The following SLC25A21 variants were observed in gnomAD, a reference collection of about 807,000 sequenced individuals.
The protein encoded by SLC25A21 is solute carrier family 25 member 21, also known as mitochondrial 2-oxodicarboxylate carrier.
SLC25A21 carries 47 observed loss-of-function variants against 43.8 expected under a neutral mutation model. The ratio of observed to expected loss-of-function variants is 1.07; its 90% CI spans 0.85 to 1.37. SLC25A21 has a LOEUF of 1.37. Ranked by LOEUF, SLC25A21 falls within the 40% of genes most tolerant of loss-of-function variation. The pLI, the probability that SLC25A21 is intolerant of heterozygous loss-of-function variation, is 0.00. For synonymous variants in SLC25A21, 131 were observed against 121.3 expected (o/e 1.08, Z -0.52); for missense variants, 352 against 350.2 (o/e 1.00, Z -0.04).
chr14:36,983,836 G>T (rs916236908), intron 1 of SLC25A21, among the ~76,000 whole-genome samples: 7 of 152,110 alleles, frequency 4.6e-5, no homozygotes, highest in Non-Finnish European at 8.8e-5. Context: ...CATATCCTTT[G>T]CAGTAACATG....
intron 1 of SLC25A21, among the ~76,000 whole-genome samples, chr14:37,138,897 T>C (rs1963526668): frequency 6.6e-6 from 1 of 152,172 alleles, no homozygotes; most frequent in Admixed American, 6.5e-5. Context: ...TGGTTCAGTA[T>C]AAATGATATG....
intron 1 of SLC25A21, among the ~76,000 whole-genome samples, chr14:37,008,454 G>T (rs1429011646): frequency 6.6e-6 from 1 of 152,166 alleles, no homozygotes; most frequent in Non-Finnish European, 1.5e-5. Flanking sequence ...CATTGCAATA[G>T]AGGATGTGAA....
intron 1 of SLC25A21, among the ~76,000 whole-genome samples, chr14:36,898,353 CT>C (rs892142127): frequency 4.2e-4 from 63 of 151,470 alleles, no homozygotes; most frequent in African/African-American, 1.3e-3. Flanking sequence ...ATATAATCTC[CT>C]GGTGTGCCAT....
At chr14:36,744,675 CT>C (rs1885418998) in intron 3 of SLC25A21, among the ~76,000 whole-genome samples, 1 of 152,242 alleles carries the variant, frequency 6.6e-6, no homozygotes, top group East Asian at 1.9e-4. Context: ...AACTAAAAAT[CT>C]TTTGCACAGC....
intron 1 of SLC25A21, among the ~76,000 whole-genome samples, chr14:37,089,664 C>A (rs1962548388): frequency 6.6e-6 from 1 of 152,140 alleles, no homozygotes; most frequent in Non-Finnish European, 1.5e-5. Context: ...GATCTTTTGT[C>A]ACAAGGCAAA....
chr14:36,980,909 C>A (rs887793465), intron 1 of SLC25A21, among the ~76,000 whole-genome samples: 7 of 152,148 alleles, frequency 4.6e-5, no homozygotes, highest in African/African-American at 1.2e-4. Context: ...AGGCAACCTA[C>A]AGAATGGGAG....
At chr14:36,722,621 C>T (rs1415442365) in intron 6 of SLC25A21, among the ~76,000 whole-genome samples, 1 of 152,074 alleles carries the variant, frequency 6.6e-6, no homozygotes, top group African/African-American at 2.4e-5. Context: ...AATGAATATA[C>T]TGGGTTAAAT....
chr14:36,829,357 T>C (rs1005820917), intron 2 of SLC25A21, among the ~76,000 whole-genome samples: 2 of 152,176 alleles, frequency 1.3e-5, no homozygotes, highest in Non-Finnish European at 2.9e-5. Flanking sequence ...TATTTATTCA[T>C]CTGGTTCCTT....
chr14:36,683,359 G>A (rs1405411187), intron 9 of SLC25A21, among the ~76,000 whole-genome samples: 1 of 152,194 alleles, frequency 6.6e-6, no homozygotes, highest in Non-Finnish European at 1.5e-5. Flanking sequence ...CTCCCCAGAG[G>A]TGACTGTAAA....
At chr14:36,939,918 T>A (rs934882950) in intron 1 of SLC25A21, among the ~76,000 whole-genome samples, 6 of 152,164 alleles carry the variant, frequency 3.9e-5, no homozygotes, top group African/African-American at 1.4e-4. Context: ...TTGTTTCACA[T>A]ATCTGTTTTA....
intron 4 of SLC25A21, among the ~76,000 whole-genome samples, chr14:36,732,282 C>A (rs1241177099): frequency 6.6e-6 from 1 of 151,768 alleles, no homozygotes; most frequent in Non-Finnish European, 1.5e-5. Flanking sequence ...ACTAATTAGC[C>A]TTCATAGTTT....
intron 1 of SLC25A21, among the ~76,000 whole-genome samples, chr14:37,064,708 T>A (rs1962024589): frequency 1.3e-5 from 2 of 152,182 alleles, no homozygotes; most frequent in Non-Finnish European, 2.9e-5. Context: ...CTCATTTGTG[T>A]CTCTCAATTG....
At chr14:36,771,134 C>A (rs1330715518) in intron 3 of SLC25A21, among the ~76,000 whole-genome samples, 3 of 152,190 alleles carry the variant, frequency 2.0e-5, no homozygotes, top group South Asian at 2.1e-4. Context: ...CTTTTGTTAT[C>A]TGACAGCCCA....
rs187659069 is a variant in SLC25A21, at chr14:37,137,125, G to A, written c.70+35156C>T. On this transcript the variant is annotated intron_variant, in intron 1 of 9. Transcript: ENST00000331299. ...ACGCCACTCTGCCTCAGCCTCCTGA[G>A]TAGCTGGGACTACAGGCGCCCGCCA... is the stretch of plus-strand genomic sequence containing the variant. 5.7e-3 allele frequency among the ~76,000 whole-genome samples: 865 copies of A among 152,270 alleles called. 10 individuals carry two copies. The highest frequency in any genetic ancestry group is 0.02 in the African/African-American group (840 of 41,550).
chr14:36,856,266 C>T (rs1477134341), intron 2 of SLC25A21, among the ~76,000 whole-genome samples: 1 of 152,132 alleles, frequency 6.6e-6, no homozygotes, highest in East Asian at 1.9e-4. Flanking sequence ...GCTTTATGAC[C>T]CTAACCAGGA....
intron 5 of SLC25A21, among the ~76,000 whole-genome samples, chr14:36,727,364 G>A (rs775128724): frequency 1.4e-4 from 22 of 152,210 alleles, no homozygotes; most frequent in Non-Finnish European, 2.2e-4. Flanking sequence ...AGAGTGCTAT[G>A]CAAACACCAT....
chr14:36,868,655 G>C (rs927186074), intron 2 of SLC25A21, among the ~76,000 whole-genome samples: 1 of 152,184 alleles, frequency 6.6e-6, no homozygotes, highest in African/African-American at 2.4e-5. Flanking sequence ...AACTGAAAAT[G>C]CATGTTTCTC....
chr14:36,734,649 C>G (rs2139229065), intron 3 of SLC25A21, 76 bp from the exon 4 acceptor site: 2 of 1,098,678 alleles, frequency 1.8e-6, no homozygotes, highest in South Asian at 2.7e-5. Context: ...TAAGATAATC[C>G]TAAAGTATTC....
Position 36,892,794 on chromosome 14 carries a change from C to T in SLC25A21, c.71-17790G>A, listed in dbSNP as rs528961837. ...ATTCCCACCTATGAGTGAGAACATG[C>T]GGTGTTTGGTTTTTTGTCCTTGCGA... On this transcript the variant is annotated intron_variant, in intron 1 of 9. Transcript: ENST00000331299. 3.2e-3 allele frequency among the ~76,000 whole-genome samples: 493 copies of T among 151,940 alleles called. 4 individuals are homozygous for T. Among genetic ancestry groups the T allele is most frequent in the African/African-American group, 0.011 (455 of 41,416 alleles).
Sources: allele counts gnomAD v4.1 joint callset (sites outside exome capture counted in the v4.1 genomes callset), GRCh38; gene constraint gnomAD v4.1.1; transcripts MANE v1.5; gene names NCBI Gene and HGNC (gene_info 2026-07-23, HGNC 2026-07-21).